Variants in BABAM2 observed in about 807,000 individuals in gnomAD.
The protein encoded by BABAM2 is BRISC and BRCA1 A complex member 2.
BABAM2 carries 31 observed loss-of-function variants against 54.7 expected under a neutral mutation model. The ratio of observed to expected loss-of-function variants is 0.57; its 90% CI spans 0.43 to 0.77. The LOEUF (loss-of-function observed/expected upper bound fraction) is 0.77. Ranked by LOEUF, BABAM2 falls within the 30% of genes least tolerant of loss-of-function variation. The pLI is 0.00. For synonymous variants in BABAM2, 167 were observed against 162.9 expected (o/e 1.03, Z -0.19); for missense variants, 364 against 455.8 (o/e 0.80, Z 1.83).
At chr2:28,044,562 G>T (rs1178645004) in intron 5 of BABAM2, among the ~76,000 whole-genome samples, 2 of 152,198 alleles carry the variant, frequency 1.3e-5, no homozygotes, top group African/African-American at 4.8e-5. Context: ...ACTTGCTAGG[G>T]TGTTTGTAGA....
Position 28,326,782 on chromosome 2 carries a change from C to T in BABAM2, c.1089-11668C>T, listed in dbSNP as rs114505565. ...ACTAAGGGTGAACCATCCCCAAATT[C>T]TGCCCTCTAGGCACTTACAGGGATG... On this transcript the variant is annotated intron_variant, in intron 11 of 11. Transcript: ENST00000379624. Among the ~76,000 whole-genome samples, 1,343 of 152,304 alleles carry T rather than the reference C, an allele frequency of 8.8e-3. 16 individuals carry two copies. The highest frequency in any genetic ancestry group is 0.031 in the African/African-American group (1,282 of 41,554).
chr2:27,909,084 C>T (rs764578996), intron 2 of BABAM2, among the ~76,000 whole-genome samples: 17 of 151,902 alleles, frequency 1.1e-4, no homozygotes, highest in Admixed American at 9.2e-4. Flanking sequence ...ACTCTGTCAC[C>T]CAGGCTGGAG....
chr2:28,220,522 CCTCT>C (rs34705365), intron 7 of BABAM2, among the ~76,000 whole-genome samples: 1 of 149,816 alleles, frequency 6.7e-6, no homozygotes, highest in Non-Finnish European at 1.5e-5. Flanking sequence ...TACCTTAGTG[CCTCT>C]CTCTCTCTCT....
chr2:28,050,875 T>G (rs1290951490), intron 6 of BABAM2, among the ~76,000 whole-genome samples: 1 of 152,166 alleles, frequency 6.6e-6, no homozygotes. Flanking sequence ...GTGGTGGGAC[T>G]GTGTGGACAT....
chr2:27,947,670 C>T (rs563353297), intron 3 of BABAM2, among the ~76,000 whole-genome samples: 4 of 152,018 alleles, frequency 2.6e-5, no homozygotes, highest in Non-Finnish European at 5.9e-5. Context: ...ATTGTCTTAA[C>T]GAAACTGCCT....
intron 10 of BABAM2, among the ~76,000 whole-genome samples, chr2:28,295,778 T>C (rs1572364191): frequency 6.6e-6 from 1 of 151,638 alleles, no homozygotes; most frequent in African/African-American, 2.4e-5. Context: ...ATTACAGGAG[T>C]GAGCCACCGC....
At position 28,105,621 on chromosome 2, in the gene BABAM2, C is replaced by G. The variant is rs1362648517; in HGVS notation, c.571-23650C>G. On this transcript the variant is annotated intron_variant, in intron 6 of 11. Transcript: ENST00000379624. The stretch of plus-strand genomic sequence containing the variant: ...AAATAGAAATAATAACAGTATTTAT[C>G]TTCAAGCGTTGTTGGCGATGTATGT... Among the ~76,000 whole-genome samples the G allele has an allele frequency of 2.6e-5, 4 of 152,280 alleles. No homozygotes were observed. The East Asian group carries it at 5.8e-4, about 22-fold the overall frequency.
chr2:27,990,415 C>T (rs186090887), intron 4 of BABAM2, among the ~76,000 whole-genome samples: 1 of 152,242 alleles, frequency 6.6e-6, no homozygotes, highest in East Asian at 1.9e-4. Flanking sequence ...GACATTTTTC[C>T]CCTTCCTGTA....
chr2:28,183,742 C>CACACACACACAT (rs879616423), intron 7 of BABAM2, among the ~76,000 whole-genome samples: 29,103 of 148,618 alleles, frequency 0.2, 3,474 homozygotes, highest in Middle Eastern at 0.29. Context: ...ATGAAGATCA[C>CACACACACACAT]ACACACACAC....
At chr2:28,014,073 T>C (rs1182853221) in intron 4 of BABAM2, among the ~76,000 whole-genome samples, 2 of 152,194 alleles carry the variant, frequency 1.3e-5, no homozygotes, top group South Asian at 4.1e-4. Context: ...CTTCACGTTT[T>C]TGTGAAGATC....
chr2:28,194,162 C>T (rs1173571265), intron 7 of BABAM2, among the ~76,000 whole-genome samples: 1 of 152,060 alleles, frequency 6.6e-6, no homozygotes, highest in African/African-American at 2.4e-5. Flanking sequence ...GAAGCCTGGT[C>T]AGTGAGAGGG....
intron 7 of BABAM2, among the ~76,000 whole-genome samples, chr2:28,139,515 G>A (rs909309979): frequency 2.6e-5 from 4 of 151,898 alleles, no homozygotes; most frequent in African/African-American, 4.8e-5. Context: ...GTTGCAGTGA[G>A]CTTAGATTGC....
rs1573288083 is a variant in BABAM2 at position 27,967,749 on chromosome 2, G to A, written c.206-20244G>A. ...TAAAAGCCAAGCTGAGGTGGTTTCA[G>A]ATGGAGATGAGGAACTCATTGGGAA... On this transcript the variant is annotated intron_variant, in intron 3 of 11. Coordinates refer to ENST00000379624, the MANE Select transcript of BABAM2 (RefSeq NM_199191.3). Among the ~76,000 whole-genome samples the A allele has an allele frequency of 2.6e-5, 4 of 152,302 alleles. No individual in the cohort carries two copies. In the South Asian group the frequency reaches 8.3e-4, roughly 32 times the overall value.
intron 10 of BABAM2, among the ~76,000 whole-genome samples, chr2:28,291,362 G>A (rs1687268357): frequency 6.6e-6 from 1 of 152,204 alleles, no homozygotes. Flanking sequence ...GGAGGCCGAG[G>A]TGGATGGATC....
intron 7 of BABAM2, among the ~76,000 whole-genome samples, chr2:28,172,613 G>A (rs1674479297): frequency 6.6e-6 from 1 of 152,150 alleles, no homozygotes; most frequent in African/African-American, 2.4e-5. Flanking sequence ...TTGTCTCAGC[G>A]AGGTGTGGCT....
At position 27,975,423 on chromosome 2, in the gene BABAM2, C is replaced by A. The variant is rs991597448; in HGVS notation, c.206-12570C>A. ...AGAACAAAATAGTCCAATAATAGAT[C>A]CATATAAATATGGTCAATGATTTTC... On this transcript the variant is annotated intron_variant, in intron 3 of 11. Transcript: ENST00000379624. Among the ~76,000 whole-genome samples the A allele has an allele frequency of 2.6e-5, 4 of 152,002 alleles. No individual in the cohort carries two copies. In the East Asian group the frequency reaches 7.7e-4, roughly 29 times the overall value.
intron 4 of BABAM2, among the ~76,000 whole-genome samples, chr2:28,018,431 A>G (rs1675006759): frequency 6.6e-6 from 1 of 152,126 alleles, no homozygotes; most frequent in Non-Finnish European, 1.5e-5. Context: ...CTGGTTCCCC[A>G]TTTTTGCAAT....
chr2:27,930,985 A>G (rs1468171041), intron 3 of BABAM2, among the ~76,000 whole-genome samples: 1 of 152,248 alleles, frequency 6.6e-6, no homozygotes, highest in African/African-American at 2.4e-5. Context: ...CCATTGGACC[A>G]GTGTGTTTTA....
chr2:28,237,093 G>C, intron 7 of BABAM2, 109 bp from the exon 8 acceptor site: 1 of 768,470 alleles, frequency 1.3e-6, no homozygotes. Context: ...ATTAACCTAG[G>C]CAGTTGGTGG....
Sources: allele counts gnomAD v4.1 joint callset (sites outside exome capture counted in the v4.1 genomes callset), GRCh38; gene constraint gnomAD v4.1.1; transcripts MANE v1.5; gene names NCBI Gene and HGNC (gene_info 2026-07-23, HGNC 2026-07-21).